Variants in METTL3 observed in about 807,000 individuals in gnomAD.
The protein encoded by METTL3 is methyltransferase 3, N6-adenosine-methyltransferase complex catalytic subunit, also known as N(6)-adenosine-methyltransferase catalytic subunit METTL3.
In METTL3, 42 loss-of-function variants were observed where a neutral mutation model predicts 64.3. The ratio of observed to expected loss-of-function variants is 0.65; its 90% confidence interval spans 0.51 to 0.84. The LOEUF (loss-of-function observed/expected upper bound fraction) is 0.84, where lower values mean the gene tolerates loss of function less well. METTL3 is among the 40% of genes least tolerant of loss of function. The pLI is 0.00. For synonymous variants in METTL3, 256 were observed against 263.6 expected (o/e 0.97, Z 0.28); for missense variants, 435 against 722.3 (o/e 0.60, Z 4.56).
chr14:21,503,634 T>C, intron 2 of METTL3, 30 bp downstream of exon 2: 1 of 1,613,810 alleles, frequency 6.2e-7, no homozygotes. Flanking sequence ...TGAAAATAAG[T>C]GGTAAATCCT....
chr14:21,504,039 T>C, intron 1 of METTL3, 158 bp from the exon 2 acceptor site: 1 of 625,806 alleles, frequency 1.6e-6, no homozygotes, highest in African/African-American at 1.8e-5. Context: ...TCCTCAATCA[T>C]ACTAAAACAT....
chr14:21,501,683 G>T (rs757371431), intron 4 of METTL3, 45 bp downstream of exon 4: 1 of 1,612,656 alleles, frequency 6.2e-7, no homozygotes. Flanking sequence ...AAAAGGAATG[G>T]CTGCTTCTGA....
At position 21,500,911 on chromosome 14, in the gene METTL3, A is replaced by G; in HGVS notation, c.1116+2T>C. 6.2e-7 allele frequency: 1 copy of G among 1,612,526 alleles called. No individual in the cohort carries two copies. The highest frequency in any genetic ancestry group is 8.5e-7 in the Non-Finnish European group (1 of 1,178,870). The stretch of plus-strand genomic sequence containing the variant: ...AGACGAGTTTTCTGAGCAGACAGGT[A>G]CCTGAGGTGGGAAGAGTCGGTCTGC... On this transcript the variant is annotated splice_donor_variant, in intron 5 of 10. Transcript: ENST00000298717. LOFTEE classifies it high-confidence loss of function.
At chr14:21,504,282 T>G (rs1267191570) in intron 1 of METTL3, 2 of 191,306 alleles carry the variant, frequency 1.0e-5, no homozygotes, top group Non-Finnish European at 2.2e-5. Flanking sequence ...GTGTGAATTT[T>G]AATGAATTCA....
intron 1 of METTL3, among the ~76,000 whole-genome samples, chr14:21,506,690 ATG>A (rs1436356200): frequency 3.9e-5 from 6 of 152,214 alleles, no homozygotes; most frequent in Non-Finnish European, 7.3e-5. Flanking sequence ...AATGAACAAA[ATG>A]TGTTATATAC....
rs528684233 is a variant in METTL3, at chr14:21,506,635, C to A, written c.101-2754G>T. ...CCCAGGTTCATAGCAGCATTATTTA[C>A]AATAGCCAAAAGGTAGAAGTAACCC... is the stretch of plus-strand genomic sequence containing the variant. On this transcript the variant is annotated intron_variant, in intron 1 of 10. Coordinates refer to ENST00000298717, the MANE Select transcript of METTL3 (RefSeq NM_019852.5). Among the ~76,000 whole-genome samples, 3 of 152,316 alleles carry A rather than the reference C, an allele frequency of 2.0e-5. No homozygotes were observed. In the East Asian group the frequency reaches 5.8e-4, roughly 29 times the overall value.
intron 1 of METTL3, chr14:21,510,491 T>G (rs1335086890): frequency 6.6e-6 from 1 of 152,238 alleles, no homozygotes; most frequent in African/African-American, 2.4e-5. Flanking sequence ...GAATTTAATC[T>G]TTTAAATTTC....
intron 1 of METTL3, among the ~76,000 whole-genome samples, chr14:21,506,848 C>A (rs548689697): frequency 1.3e-5 from 2 of 152,128 alleles, no homozygotes; most frequent in Non-Finnish European, 2.9e-5. Context: ...ATGGCAAAAC[C>A]CTGTTGGGCG....
chr14:21,499,273 T>A (rs1891494679), intron 9 of METTL3, 33 bp downstream of exon 9: 2 of 1,613,440 alleles, frequency 1.2e-6, no homozygotes, highest in South Asian at 2.2e-5. Context: ...CCAACAAAAA[T>A]GTGGAAGCTT....
chr14:21,500,878 G>A (rs758035918), intron 5 of METTL3, 35 bp downstream of exon 5: 18 of 1,589,798 alleles, frequency 1.1e-5, no homozygotes, highest in East Asian at 2.2e-5. Flanking sequence ...ACATAAGTCC[G>A]TAAGTTGAGA....
rs753934816 is a variant in METTL3 at position 21,501,002 on chromosome 14, C to T, written c.1027G>A (p.Gly343Ser). ...TGGCTTGGCGTGTGGTCTTTGCTGC[C>T]AGGGGCCTCAGAATCCATGCAAGCA... ...IDACMDSEAPGSKDHTPSQEL... is the reference protein window; with the variant it reads ...IDACMDSEAPSSKDHTPSQEL... Residue 343 changes from glycine (G) to serine (S), a missense_variant, in exon 5 of 11, where the codon GGC (glycine) becomes AGC (serine). Coordinates refer to ENST00000298717, the MANE Select transcript of METTL3 (RefSeq NM_019852.5). The T allele has an allele frequency of 7.4e-6, 12 of 1,614,010 alleles. No homozygotes were observed. Among genetic ancestry groups the T allele is most frequent in the Non-Finnish European group, 1.0e-5 (12 of 1,180,024 alleles).
At chr14:21,505,600 C>T (rs1891678150) in intron 1 of METTL3, among the ~76,000 whole-genome samples, 1 of 152,072 alleles carries the variant, frequency 6.6e-6, no homozygotes, top group Non-Finnish European at 1.5e-5. Context: ...CTGGTTAATA[C>T]AATTGTTATT....
chr14:21,507,159 C>A lies in METTL3; in HGVS notation c.101-3278G>T, dbSNP rs184896753. ...TGGCACCACTGCACTCCAGCCTGGG[C>A]AACAAGAGCGAAACTCTGTCTCAAA... On this transcript the variant is annotated intron_variant, in intron 1 of 10. Coordinates refer to ENST00000298717, the MANE Select transcript of METTL3 (RefSeq NM_019852.5). Among the ~76,000 whole-genome samples the A allele has an allele frequency of 2.3e-3, 343 of 151,212 alleles. 3 individuals carry two copies. The highest frequency in any genetic ancestry group is 8.0e-3 in the African/African-American group (331 of 41,140).
chr14:21,498,315 A>G lies in METTL3; in HGVS notation c.1686T>C (p.Val562=), dbSNP rs762881898. The G allele has an allele frequency of 6.2e-6, 10 of 1,614,074 alleles. No homozygotes were observed. The South Asian group carries it at 7.7e-5, about 12-fold the overall frequency. The change falls in exon 11 of 11, where the codon GTT becomes GTC. Residue 562 remains valine (V), a synonymous_variant. Coordinates refer to ENST00000298717, the MANE Select transcript of METTL3 (RefSeq NM_019852.5). The stretch of plus-strand genomic sequence containing the variant: ...CTGGGTACCTTTGCTTGAACCGTGC[A>G]ACCACATCTGGGTCTAGTAGGTGGA... ...DGIHLLDPDV[V]ARFKQRYPDG...
chr14:21,498,360 A>G lies in METTL3; in HGVS notation c.1641T>C (p.Leu547=), dbSNP rs757850433. 1 of 1,614,152 alleles carries G rather than the reference A, an allele frequency of 6.2e-7. No individual in the cohort carries two copies. The highest frequency in any genetic ancestry group is 8.5e-7 in the Non-Finnish European group (1 of 1,180,022). The part of the protein sequence containing the change: ...PHNVQPNWIT[L]GNQLDGIHLL... ...GGTGGATCCCATCCAGTTGGTTTCC[A>G]AGGGTGATCCTGAAACAGTGTAAAA... The change falls in exon 11 of 11, where the codon CTT becomes CTC. Residue 547 remains leucine, a synonymous_variant. Transcript: ENST00000298717.
At chr14:21,510,780 A>C (rs1332652118) in intron 1 of METTL3, 1 of 255,538 alleles carries the variant, frequency 3.9e-6, no homozygotes, top group Non-Finnish European at 7.7e-6. Context: ...CCAAAGCAGC[A>C]ACAAAAAGGG....
At chr14:21,511,094 A>G (rs1259691215) in intron 1 of METTL3, 30 bp downstream of exon 1, 6 of 1,609,324 alleles carry the variant, frequency 3.7e-6, no homozygotes, top group Non-Finnish European at 5.1e-6. Context: ...TCCCCGGTTG[A>G]GCCTCGGCCC....
chr14:21,505,918 G>C (rs1236200934), intron 1 of METTL3, among the ~76,000 whole-genome samples: 1 of 152,152 alleles, frequency 6.6e-6, no homozygotes, highest in Non-Finnish European at 1.5e-5. Context: ...AATATGGTCT[G>C]ATTACAAATT....
chr14:21,507,169 G>A (rs1051227000), intron 1 of METTL3, among the ~76,000 whole-genome samples: 7 of 151,540 alleles, frequency 4.6e-5, no homozygotes, highest in Non-Finnish European at 7.4e-5. Flanking sequence ...CAACAAGAGC[G>A]AAACTCTGTC....
Sources: allele counts gnomAD v4.1 joint callset (sites outside exome capture counted in the v4.1 genomes callset), GRCh38; gene constraint gnomAD v4.1.1; transcripts MANE v1.5; gene names NCBI Gene and HGNC (gene_info 2026-07-23, HGNC 2026-07-21).